Variants in LTBP2 observed in about 807,000 individuals in gnomAD.
LTBP2 encodes latent-transforming growth factor beta-binding protein 2.
LTBP2 carries 103 observed loss-of-function variants against 210.6 expected under a neutral mutation model. That is an observed-to-expected ratio of 0.49 (90% CI 0.42 to 0.58). The LOEUF is 0.58. LTBP2 is among the 20% of genes least tolerant of loss of function. The pLI is 0.00. For synonymous variants in LTBP2, 1,007 were observed against 1,015.0 expected, an observed-to-expected ratio of 0.99 and a Z score of 0.15; for missense variants, 2,313 against 2,494.5, an observed-to-expected ratio of 0.93 and a Z score of 1.55.
At chr14:74,569,104 C>T (rs915727088) in intron 3 of LTBP2, among the ~76,000 whole-genome samples, 4 of 140,722 alleles carry the variant, frequency 2.8e-5, no homozygotes, top group South Asian at 4.5e-4. Flanking sequence ...CTCTTAGAGG[C>T]GAGGCATGGG....
At position 74,504,867 on chromosome 14, in the gene LTBP2, TAG is replaced by T; in HGVS notation, c.4370-8_4370-7del. 1 of 1,614,154 alleles carries T rather than the reference TAG, an allele frequency of 6.2e-7. No individual in the cohort carries two copies. Among genetic ancestry groups the T allele is most frequent in the Non-Finnish European group, 8.5e-7 (1 of 1,179,968 alleles). On this transcript the variant is annotated splice_polypyrimidine_tract_variant and splice_region_variant and intron_variant, in intron 29 of 35. Coordinates refer to ENST00000261978, the MANE Select transcript of LTBP2 (RefSeq NM_000428.3). ...GCAGATCTCGCTGAATTCAGCTATG[TAG>T]AGAGGCGTTTCAGCTCAGAGTGGGG...
intron 8 of LTBP2, among the ~76,000 whole-genome samples, chr14:74,540,358 C>T (rs989381588): frequency 1.3e-5 from 2 of 151,798 alleles, no homozygotes; most frequent in South Asian, 2.1e-4. Context: ...CTGTGGTCCT[C>T]GCTACTCAGG....
intron 13 of LTBP2, among the ~76,000 whole-genome samples, 172 bp downstream of exon 13, chr14:74,527,175 T>A (rs992613268): frequency 8.5e-5 from 13 of 152,192 alleles, no homozygotes; most frequent in African/African-American, 2.4e-5. Context: ...AGGGTAAAAC[T>A]GGGTCTTTGG....
At chr14:74,505,697 G>A (rs145618116) in intron 28 of LTBP2, among the ~76,000 whole-genome samples, 2 of 152,248 alleles carry the variant, frequency 1.3e-5, no homozygotes, top group African/African-American at 2.4e-5. Context: ...GGGAGAGCCC[G>A]GTTTAGTTCA....
chr14:74,545,727 C>T (rs1036953130), intron 8 of LTBP2, among the ~76,000 whole-genome samples: 7 of 152,178 alleles, frequency 4.6e-5, no homozygotes, highest in Non-Finnish European at 8.8e-5. Flanking sequence ...TTTTGAGAAC[C>T]GTGTGTTCTC....
At chr14:74,582,764 C>A (rs572341722) in intron 3 of LTBP2, among the ~76,000 whole-genome samples, 1 of 152,314 alleles carries the variant, frequency 6.6e-6, no homozygotes, top group African/African-American at 2.4e-5. Flanking sequence ...TGTGGGACCA[C>A]GTTAGAGCTG....
intron 3 of LTBP2, among the ~76,000 whole-genome samples, chr14:74,584,534 G>C (rs2088177767): frequency 6.6e-6 from 1 of 152,132 alleles, no homozygotes; most frequent in Non-Finnish European, 1.5e-5. Flanking sequence ...GGACCGATCA[G>C]AACAAGGCAC....
At chr14:74,585,743 G>A in intron 3 of LTBP2, 111 bp downstream of exon 3, 1 of 1,522,828 alleles carries the variant, frequency 6.6e-7, no homozygotes, top group Non-Finnish European at 9.0e-7. Flanking sequence ...GGAGAGAAGG[G>A]AGGACTCTGC....
At chr14:74,562,856 A>C (rs2087812890) in intron 3 of LTBP2, among the ~76,000 whole-genome samples, 2 of 152,168 alleles carry the variant, frequency 1.3e-5, no homozygotes, top group Admixed American at 6.5e-5. Context: ...GCAATTTGGC[A>C]ACGTCTATCC....
At chr14:74,559,648 C>G (rs1182305413) in intron 3 of LTBP2, 1 of 152,112 alleles carries the variant, frequency 6.6e-6, no homozygotes, top group African/African-American at 2.4e-5. Context: ...GGAGTGGAGA[C>G]TGTGAGCTGT....
intron 6 of LTBP2, 90 bp downstream of exon 6, chr14:74,552,097 T>C: frequency 1.6e-6 from 2 of 1,259,446 alleles, no homozygotes; most frequent in Non-Finnish European, 2.2e-6. Context: ...TACAGGCAGC[T>C]TCCCTATCCC....
At chr14:74,538,595 T>C (rs1175640276) in intron 8 of LTBP2, among the ~76,000 whole-genome samples, 5 of 152,050 alleles carry the variant, frequency 3.3e-5, no homozygotes, top group African/African-American at 1.2e-4. Flanking sequence ...CAAAGACAAA[T>C]AGAAGGAGGC....
At chr14:74,502,509 G>A (rs557073341) in intron 34 of LTBP2, 144 bp downstream of exon 34, 14 of 1,103,070 alleles carry the variant, frequency 1.3e-5, no homozygotes, top group East Asian at 5.0e-5. Flanking sequence ...TGTCTCAAGC[G>A]AGCCGTGAAC....
At chr14:74,565,992 A>G (rs1242943267) in intron 3 of LTBP2, among the ~76,000 whole-genome samples, 1 of 152,206 alleles carries the variant, frequency 6.6e-6, no homozygotes, top group Non-Finnish European at 1.5e-5. Context: ...ATATTAACGG[A>G]AAAATGTGGC....
chr14:74,555,450 AAG>A, intron 4 of LTBP2, 51 bp downstream of exon 4: 1 of 1,590,778 alleles, frequency 6.3e-7, no homozygotes, highest in East Asian at 2.2e-5. Flanking sequence ...AAGGTGGGAG[AAG>A]AGAGTTCTAG....
intron 10 of LTBP2, among the ~76,000 whole-genome samples, chr14:74,530,659 G>A (rs996569869): frequency 2.6e-5 from 4 of 152,184 alleles, no homozygotes; most frequent in African/African-American, 9.7e-5. Context: ...GGGACTACAG[G>A]TGTGCACCAC....
intron 2 of LTBP2, among the ~76,000 whole-genome samples, chr14:74,603,134 T>G (rs1040078256): frequency 6.6e-6 from 1 of 152,204 alleles, no homozygotes; most frequent in African/African-American, 2.4e-5. Context: ...GGAGGCATTT[T>G]TTTTTCTTTT....
At chr14:74,525,977 G>A (rs1227142802) in intron 14 of LTBP2, 98 bp downstream of exon 14, 2 of 1,271,904 alleles carry the variant, frequency 1.6e-6, no homozygotes, top group African/African-American at 1.5e-5. Context: ...ATGTGTGTGT[G>A]AGCGTGAACC....
rs191016400 is a variant in LTBP2, at chr14:74,552,295, T to C, written c.1291A>G (p.Ile431Val). 2.5e-6 allele frequency: 4 copies of C among 1,613,310 alleles called. No homozygotes were observed. In the South Asian group the frequency reaches 3.3e-5, roughly 13 times the overall value. ...GGAGGCTCCCTGTCCGGCTGCGGGATAGGCAGGTGGCAGAACTTCCCGGTG... is the reference window on the plus strand; with the variant it reads ...GGAGGCTCCCTGTCCGGCTGCGGGACAGGCAGGTGGCAGAACTTCCCGGTG... ...NSTGKFCHLP[I>V]PQPDREPPGR... The change falls in exon 6 of 36, where the codon ATC becomes GTC. Residue 431 changes from isoleucine (I) to valine (V), a missense_variant. Coordinates refer to ENST00000261978, the MANE Select transcript of LTBP2 (RefSeq NM_000428.3).
Sources: allele counts gnomAD v4.1 joint callset (sites outside exome capture counted in the v4.1 genomes callset), GRCh38; gene constraint gnomAD v4.1.1; transcripts MANE v1.5; gene names NCBI Gene and HGNC (gene_info 2026-07-23, HGNC 2026-07-21).